FAM163A: variants seen among roughly 807,000 people sequenced by gnomAD.
The protein encoded by FAM163A is protein FAM163A.
A neutral mutation model predicts 12.0 loss-of-function variants in FAM163A; 7 were observed. The observed-to-expected ratio is 0.58, with a 90% CI of 0.33 to 1.10. FAM163A has a LOEUF of 1.10. FAM163A is among the 50% of genes least tolerant of loss of function. FAM163A has a pLI of 0.03. For missense variants in FAM163A, 202 were observed against 218.6 expected (o/e 0.92, Z 0.48); for synonymous variants, 101 against 91.0 (o/e 1.11, Z -0.62).
At chr1:179,802,706 C>A (rs1220679651) in intron 1 of FAM163A, among the ~76,000 whole-genome samples, 1 of 152,188 alleles carries the variant, frequency 6.6e-6, no homozygotes, top group Non-Finnish European at 1.5e-5. Context: ...CTCCTGTATA[C>A]CCACATCTGC....
intron 1 of FAM163A, among the ~76,000 whole-genome samples, chr1:179,780,399 G>A (rs1557935142): frequency 6.6e-6 from 1 of 152,202 alleles, no homozygotes; most frequent in African/African-American, 2.4e-5. Flanking sequence ...ATTTGCCAGT[G>A]ACCATCATCA....
In FAM163A at chr1:179,814,034, G is replaced by T; in HGVS notation, c.349G>T (p.Gly117Cys). 1 of 1,613,566 alleles carries T rather than the reference G, an allele frequency of 6.2e-7. No individual in the cohort carries two copies. Among genetic ancestry groups the T allele is most frequent in the African/African-American group, 1.3e-5 (1 of 75,048 alleles). Residue 117 changes from glycine (G) to cysteine (C), a missense_variant, in exon 5 of 5, where the codon GGT (glycine) becomes TGT (cysteine). By Grantham distance (159) the Gly-to-Cys change is radical. Coordinates refer to ENST00000341785, the MANE Select transcript of FAM163A (RefSeq NM_173509.3). ...IRTADMVPNG[G>C]GGERLSFAPT... The stretch of plus-strand genomic sequence containing the variant: ...GACGGCTGACATGGTGCCCAATGGG[G>T]GTGGAGGCGAGAGGCTCTCCTTTGC...
At chr1:179,790,852 A>G (rs766185517) in intron 1 of FAM163A, among the ~76,000 whole-genome samples, 2 of 152,190 alleles carry the variant, frequency 1.3e-5, no homozygotes, top group Admixed American at 6.5e-5. Flanking sequence ...TAAGTAGAAG[A>G]AAGTTGTGGG....
rs887053651 is a variant in FAM163A, at chr1:179,811,735, G to A, written c.-44-375G>A. 4.6e-5 allele frequency among the ~76,000 whole-genome samples: 7 copies of A among 152,220 alleles called. No individual in the cohort carries two copies. In the South Asian group the frequency reaches 1.4e-3, roughly 31 times the overall value. On this transcript the variant is annotated intron_variant, in intron 2 of 4. Transcript: ENST00000341785. ...TGCATAGCTTTGTGAGCACAGTGCA[G>A]TTGGGTTCTAGCCCCCACTTGCCCT... is the stretch of plus-strand genomic sequence containing the variant.
upstream of FAM163A, among the ~76,000 whole-genome samples, chr1:179,741,303 C>T (rs545176168): frequency 7.2e-5 from 11 of 152,308 alleles, no homozygotes; most frequent in South Asian, 1.2e-3. Context: ...GGCAAGGATG[C>T]GGAGCAATGG....
At chr1:179,810,388 G>A (rs967814887) in intron 2 of FAM163A, among the ~76,000 whole-genome samples, 1 of 152,188 alleles carries the variant, frequency 6.6e-6, no homozygotes, top group Admixed American at 6.5e-5. Context: ...GCCCCGTCAG[G>A]AAACCCCCAG....
At chr1:179,745,100 C>T (rs1327134611) in intron 1 of FAM163A, among the ~76,000 whole-genome samples, 1 of 152,074 alleles carries the variant, frequency 6.6e-6, no homozygotes, top group Non-Finnish European at 1.5e-5. Flanking sequence ...TTTCAGTTCC[C>T]ATGCCTAAGA....
At chr1:179,809,812 G>C (rs1479976564) in intron 2 of FAM163A, among the ~76,000 whole-genome samples, 1 of 152,170 alleles carries the variant, frequency 6.6e-6, no homozygotes, top group Non-Finnish European at 1.5e-5. Context: ...CAGGGAAGTG[G>C]TGAGGGGATG....
rs180751297 is a variant in FAM163A, at chr1:179,813,017, C to A, written c.-22-59C>A. Reference sequence around the variant, plus strand: ...CGGGGCAGTTCCAGGAAGACTCCCCCCGGCCCAGCCCAGGGCTGCAGCCAC... The same window carrying A: ...CGGGGCAGTTCCAGGAAGACTCCCCACGGCCCAGCCCAGGGCTGCAGCCAC... On this transcript the variant is annotated intron_variant, in intron 3 of 4. Transcript: ENST00000341785. The A allele has an allele frequency of 6.6e-3, 9,899 of 1,494,830 alleles. 53 individuals are homozygous for A. Among genetic ancestry groups the A allele is most frequent in the South Asian group, 0.014 (1,136 of 82,328 alleles). 92.6% of individuals were successfully genotyped at this position (1,494,830 alleles called of 1,614,324 possible). A position where few individuals can be genotyped will look rare whatever the true frequency, so the allele number is the denominator to read the frequency against.
At chr1:179,798,633 A>C (rs1205781806) in intron 1 of FAM163A, among the ~76,000 whole-genome samples, 1 of 152,180 alleles carries the variant, frequency 6.6e-6, no homozygotes, top group African/African-American at 2.4e-5. Context: ...CCTACCCCAG[A>C]AGCTGCCTTG....
rs150086045 is a variant in FAM163A at position 179,789,595 on chromosome 1, C to T, written c.-135-18203C>T. Among the ~76,000 whole-genome samples, 356 of 152,294 alleles carry T rather than the reference C, an allele frequency of 2.3e-3. 2 individuals are homozygous for T. Among genetic ancestry groups the T allele is most frequent in the African/African-American group, 8.3e-3 (346 of 41,552 alleles). ...TATCATCCAACCAGGAGGATGTAGA[C>T]CTTGAGGTATCTCTTAAAAGAGAAG... On this transcript the variant is annotated intron_variant, in intron 1 of 4. Coordinates refer to ENST00000341785, the MANE Select transcript of FAM163A (RefSeq NM_173509.3).
chr1:179,787,551 G>A (rs1690822813), intron 1 of FAM163A, among the ~76,000 whole-genome samples: 1 of 152,164 alleles, frequency 6.6e-6, no homozygotes, highest in African/African-American at 2.4e-5. Flanking sequence ...CACAGGCAGG[G>A]GTGAAATCAG....
intron 2 of FAM163A, among the ~76,000 whole-genome samples, chr1:179,808,361 G>T (rs1305274476): frequency 6.6e-6 from 1 of 152,240 alleles, no homozygotes; most frequent in Non-Finnish European, 1.5e-5. Flanking sequence ...ATCAGTTTCT[G>T]TGGGTCAGGA....
chr1:179,770,421 C>T (rs1262416305), intron 1 of FAM163A, among the ~76,000 whole-genome samples: 2 of 152,100 alleles, frequency 1.3e-5, no homozygotes, highest in East Asian at 3.9e-4. Context: ...TTCTTCTGAT[C>T]GTGTCACTCA....
upstream of FAM163A, among the ~76,000 whole-genome samples, chr1:179,738,951 G>T (rs1172987484): frequency 6.6e-6 from 1 of 152,160 alleles, no homozygotes; most frequent in Non-Finnish European, 1.5e-5. Context: ...AGACTGTATG[G>T]TATTGGTGGA....
chr1:179,761,347 T>C (rs1289563062), intron 1 of FAM163A, among the ~76,000 whole-genome samples: 1 of 152,250 alleles, frequency 6.6e-6, no homozygotes, highest in African/African-American at 2.4e-5. Context: ...AGGGATCTGG[T>C]TGGCAATGTT....
At chr1:179,741,104 T>C (rs1010781388), upstream of FAM163A, among the ~76,000 whole-genome samples, 5 of 152,114 alleles carry the variant, frequency 3.3e-5, no homozygotes, top group Non-Finnish European at 7.4e-5. Flanking sequence ...TAAGAAAAAG[T>C]CAGCTCAAAA....
At chr1:179,752,766 G>A (rs951743368) in intron 1 of FAM163A, among the ~76,000 whole-genome samples, 2 of 152,102 alleles carry the variant, frequency 1.3e-5, no homozygotes, top group East Asian at 3.9e-4. Flanking sequence ...CACCTGTTGG[G>A]ATGGCAGTTA....
intron 1 of FAM163A, among the ~76,000 whole-genome samples, chr1:179,790,276 T>G (rs2148241907): frequency 7.7e-6 from 1 of 129,620 alleles, no homozygotes; most frequent in African/African-American, 3.1e-5. Flanking sequence ...ACTGCAAAAC[T>G]AAGAGGTTTT....
Sources: allele counts gnomAD v4.1 joint callset (sites outside exome capture counted in the v4.1 genomes callset), GRCh38; gene constraint gnomAD v4.1.1; transcripts MANE v1.5; gene names NCBI Gene and HGNC (gene_info 2026-07-23, HGNC 2026-07-21).